The following GLB1L3 variants were observed in gnomAD, a reference collection of about 807,000 sequenced individuals.
GLB1L3 encodes the protein beta-galactosidase-1-like protein 3.
In GLB1L3, 89 loss-of-function variants were observed where a neutral mutation model predicts 89.5. The observed-to-expected ratio is 0.99, with a 90% CI of 0.84 to 1.19. GLB1L3 has a LOEUF of 1.19. Ranked by LOEUF, GLB1L3 falls within the 50% of genes most tolerant of loss-of-function variation. The pLI, the probability that GLB1L3 is intolerant of heterozygous loss-of-function variation, is 0.00. For missense variants in GLB1L3, 812 were observed against 813.3 expected (o/e 1.00, Z 0.02); for synonymous variants, 314 against 312.3 (o/e 1.01, Z -0.06).
In GLB1L3 at chr11:134,312,440, C is replaced by A; in HGVS notation, c.1379C>A (p.Ser460Tyr). 6.2e-7 allele frequency: 1 copy of A among 1,613,584 alleles called. No homozygotes were observed. The highest frequency in any genetic ancestry group is 8.5e-7 in the Non-Finnish European group (1 of 1,179,894). ...TACGGGCTTGTCCTGTATGAGAAGTCCATCTGCTCCGGAGGCCGCCTCCGT... is the reference window on the plus strand; with the variant it reads ...TACGGGCTTGTCCTGTATGAGAAGTACATCTGCTCCGGAGGCCGCCTCCGT... ...QSYGLVLYEK[S>Y]ICSGGRLRAH... Residue 460 changes from serine to tyrosine, a missense_variant, in exon 14 of 20, where the codon TCC becomes TAC. Ser to Tyr is a moderately radical substitution (Grantham distance 144). Coordinates refer to ENST00000431683, the MANE Select transcript of GLB1L3 (RefSeq NM_001080407.3).
rs542062684 is a variant in GLB1L3 at position 134,311,140 on chromosome 11, G to A, written c.1257G>A (p.Pro419=). 2.7e-5 allele frequency: 43 copies of A among 1,613,778 alleles called. No homozygotes were observed. In the African/African-American group the frequency reaches 2.8e-4, roughly 11 times the overall value. Residue 419 remains proline, a synonymous_variant, in exon 13 of 20, where the codon CCG becomes CCA. Transcript: ENST00000431683. The stretch of plus-strand genomic sequence containing the variant: ...CCGTGAGACCGTCGCTGTACCTCCC[G>A]CTGTGGGACGCCCTATCCTACTTAA... The part of the protein sequence containing the change: ...YPPVRPSLYL[P]LWDALSYLNE...
At chr11:134,299,954 T>G (rs970687945) in intron 9 of GLB1L3, among the ~76,000 whole-genome samples, 1 of 152,174 alleles carries the variant, frequency 6.6e-6, no homozygotes, top group African/African-American at 2.4e-5. Context: ...CTGTGCTGTT[T>G]CTCAGCTGAT....
At chr11:134,309,883 T>G in intron 11 of GLB1L3, 120 bp downstream of exon 11, 84 of 1,108,716 alleles carry the variant, frequency 7.6e-5, no homozygotes, top group Non-Finnish European at 1.0e-4. Context: ...TGCTGAGTAC[T>G]GAAGATTTTC....
chr11:134,309,789 C>T (rs1403807449), intron 11 of GLB1L3, 26 bp downstream of exon 11: 1 of 1,610,300 alleles, frequency 6.2e-7, no homozygotes, highest in Admixed American at 1.7e-5. Flanking sequence ...GTAGTAGCCT[C>T]TCCAGCATGG....
At chr11:134,314,463 C>T in intron 18 of GLB1L3, 22 bp downstream of exon 18, 1 of 1,438,352 alleles carries the variant, frequency 7.0e-7, no homozygotes, top group Admixed American at 2.0e-5. Flanking sequence ...CCTCTGCTGC[C>T]CTGGTGTTCC....
chr11:134,311,136 T>G lies in GLB1L3; in HGVS notation c.1253T>G (p.Leu418Arg). 6.2e-7 allele frequency: 1 copy of G among 1,613,786 alleles called. No individual in the cohort carries two copies. The highest frequency in any genetic ancestry group is 8.5e-7 in the Non-Finnish European group (1 of 1,179,806). ...CCCCCCGTGAGACCGTCGCTGTACC[T>G]CCCGCTGTGGGACGCCCTATCCTAC... ...VYPPVRPSLY[L>R]PLWDALSYLN... Residue 418 changes from leucine (L) to arginine (R), a missense_variant, in exon 13 of 20, where the codon CTC becomes CGC. Around this residue, in one of 3 missense-constraint regions of GLB1L3, gnomAD observed 618 missense variants for 604.0 expected, o/e 1.02. Coordinates refer to ENST00000431683, the MANE Select transcript of GLB1L3 (RefSeq NM_001080407.3).
At chr11:134,276,843 T>C in intron 1 of GLB1L3, 80 bp downstream of exon 1, 1 of 1,183,602 alleles carries the variant, frequency 8.4e-7, no homozygotes, top group South Asian at 2.6e-5. Context: ...CCGGGTTCTG[T>C]GGCCGGCCAC....
At chr11:134,284,551 A>G (rs1040869858) in intron 6 of GLB1L3, among the ~76,000 whole-genome samples, 6 of 151,756 alleles carry the variant, frequency 4.0e-5, no homozygotes, top group Non-Finnish European at 5.9e-5. Context: ...AACATGGGAA[A>G]CTCCATCTCT....
Position 134,319,143 on chromosome 11 carries a change from A to T in GLB1L3, c.*201A>T, listed in dbSNP as rs919953326. 3.8e-6 allele frequency: 2 copies of T among 520,484 alleles called. No individual in the cohort carries two copies. Among genetic ancestry groups the T allele is most frequent in the Non-Finnish European group, 6.9e-6 (2 of 290,664 alleles). 32.2% of individuals were successfully genotyped at this position (520,484 alleles called of 1,614,324 possible). A position where few individuals can be genotyped will look rare whatever the true frequency, so the allele number is the denominator to read the frequency against. ...CTAATTTTTTGTATTTTTAGTAGAG[A>T]TGGGGTTTCACCAAGTTAGCCAGGA... is the stretch of plus-strand genomic sequence containing the variant. On this transcript the variant is annotated 3_prime_UTR_variant, in exon 20 of 20. Coordinates refer to ENST00000431683, the MANE Select transcript of GLB1L3 (RefSeq NM_001080407.3).
intron 5 of GLB1L3, among the ~76,000 whole-genome samples, chr11:134,283,258 T>C (rs1326640746): frequency 6.6e-6 from 1 of 152,092 alleles, no homozygotes; most frequent in African/African-American, 2.4e-5. Flanking sequence ...AGACGGGAGT[T>C]TCGCCACGTT....
At position 134,282,044 on chromosome 11, in the gene GLB1L3, G is replaced by C. The variant is rs775041299; in HGVS notation, c.451G>C (p.Ala151Pro). 6.4e-7 allele frequency: 1 copy of C among 1,569,174 alleles called. No individual in the cohort carries two copies. Among genetic ancestry groups the C allele is most frequent in the Admixed American group, 1.8e-5 (1 of 56,464 alleles). Residue 151 changes from alanine to proline, a missense_variant, in exon 5 of 20, where the codon GCA becomes CCA. Ala to Pro is a conservative substitution (Grantham distance 27, BLOSUM62 -1). Coordinates refer to ENST00000431683, the MANE Select transcript of GLB1L3 (RefSeq NM_001080407.3). ...LDLEAFVLMAAEIGLWVILRP... is the reference protein window; with the variant it reads ...LDLEAFVLMAPEIGLWVILRP... ...CCCTAGGGCCTTCGTCCTGATGGCC[G>C]CAGAGATCGGGCTGTGGGTGATTCT...
At position 134,310,656 on chromosome 11, in the gene GLB1L3, T is replaced by G; in HGVS notation, c.1180+5T>G. On this transcript the variant is annotated splice_donor_5th_base_variant and intron_variant, in intron 12 of 19. Transcript: ENST00000431683. Reference sequence around the variant, plus strand: ...AACTCTTTCAATCTGTCTCAGGTACTCAGCACCCATTTAACTTACGGGCCA... The same window carrying G: ...AACTCTTTCAATCTGTCTCAGGTACGCAGCACCCATTTAACTTACGGGCCA... The G allele has an allele frequency of 6.2e-7, 1 of 1,608,294 alleles. No homozygotes were observed. The highest frequency in any genetic ancestry group is 8.5e-7 in the Non-Finnish European group (1 of 1,175,034).
chr11:134,281,150 C>T lies in GLB1L3; in HGVS notation c.363-227C>T, dbSNP rs1483842282. ...GAATTTATATATAAATCCCAAGAAA[C>T]CCAGCATCATAGGATAATTGGCAGC... is the stretch of plus-strand genomic sequence containing the variant. On this transcript the variant is annotated intron_variant, in intron 3 of 19. Transcript: ENST00000431683. 2.0e-5 allele frequency among the ~76,000 whole-genome samples: 3 copies of T among 152,102 alleles called. No homozygotes were observed. The East Asian group carries it at 5.8e-4, about 29-fold the overall frequency.
chr11:134,313,586 C>T, intron 16 of GLB1L3, 112 bp downstream of exon 16: 1 of 943,472 alleles, frequency 1.1e-6, no homozygotes, highest in Non-Finnish European at 1.6e-6. Context: ...CAGTGGGCTA[C>T]CCAGGCCCTG....
intron 1 of GLB1L3, 189 bp from the exon 2 acceptor site, chr11:134,277,137 C>T (rs1940411825): frequency 2.8e-6 from 2 of 718,428 alleles, no homozygotes; most frequent in Non-Finnish European, 4.8e-6. Flanking sequence ...GGCCTTCATC[C>T]TGGCTGCAGA....
intron 17 of GLB1L3, 31 bp from the exon 18 acceptor site, chr11:134,314,299 C>A (rs377485977): frequency 3.3e-5 from 48 of 1,452,288 alleles, no homozygotes; most frequent in Non-Finnish European, 4.5e-5. Context: ...AAGGGGACTT[C>A]TTCTCCCCCA....
intron 9 of GLB1L3, among the ~76,000 whole-genome samples, chr11:134,293,994 G>C (rs2136152967): frequency 6.6e-6 from 1 of 152,132 alleles, no homozygotes; most frequent in Non-Finnish European, 1.5e-5. Flanking sequence ...AGACTCTGCA[G>C]CTTCAGGGCT....
At chr11:134,324,970 CAT>C in the GLB1L3 span, among the ~76,000 whole-genome samples, 1 of 151,906 alleles carries the variant, frequency 6.6e-6, no homozygotes, top group African/African-American at 2.4e-5. Flanking sequence ...ATTTTAAAAA[CAT>C]ATTTTCTATA....
chr11:134,293,343 C>G (rs1941464986), intron 9 of GLB1L3, 134 bp downstream of exon 9: 1 of 720,698 alleles, frequency 1.4e-6, no homozygotes. Context: ...CGGCAGGTTC[C>G]AAGCCATTTT....
Sources: gnomAD v4.1 joint callset for allele counts (sites outside exome capture counted in the v4.1 genomes callset) on GRCh38, gnomAD v4.1.1 for gene constraint, gnomAD v4.1.1 regional missense constraint, MANE v1.5 for transcripts, NCBI Gene and HGNC (gene_info 2026-07-23, HGNC 2026-07-21) for gene names.